The following ZNF197 variants were observed in gnomAD, a reference collection of about 807,000 sequenced individuals.
The protein encoded by ZNF197 is VHL-associated KRAB-A domain-containing protein.
ZNF197 carries 14 observed loss-of-function variants against 27.4 expected under a neutral mutation model. That is an observed-to-expected ratio of 0.51 (90% CI 0.34 to 0.80). The LOEUF (loss-of-function observed/expected upper bound fraction) is 0.80, where lower values mean the gene tolerates loss of function less well. ZNF197 is among the 30% of genes least tolerant of loss of function. The pLI is 0.02. For missense variants in ZNF197, 1,090 were observed against 1,222.6 expected (o/e 0.89, Z 1.62); for synonymous variants, 415 against 420.0 (o/e 0.99, Z 0.15).
rs1336874101 is a variant in ZNF197, at chr3:44,644,817, C to T, written c.*597C>T. 3.1e-5 allele frequency: 30 copies of T among 978,676 alleles called. No homozygotes were observed. The highest frequency in any genetic ancestry group is 3.5e-5 in the Non-Finnish European group (29 of 824,284). 60.6% of individuals were successfully genotyped at this position (978,676 alleles called of 1,614,324 possible). On this transcript the variant is annotated 3_prime_UTR_variant, in exon 6 of 6. Coordinates refer to ENST00000344387, the MANE Select transcript of ZNF197 (RefSeq NM_006991.5). ...GGAAGATCCCTTGAGCCCAGGAGTTCGAGACAAGCCTGGGTAACACGGGGA... is the reference window on the plus strand; with the variant it reads ...GGAAGATCCCTTGAGCCCAGGAGTTTGAGACAAGCCTGGGTAACACGGGGA...
chr3:44,639,642 ACTC>A (rs1702489209), intron 5 of ZNF197, among the ~76,000 whole-genome samples: 1 of 150,636 alleles, frequency 6.6e-6, no homozygotes, highest in African/African-American at 2.4e-5. Context: ...TATCATTTAT[ACTC>A]CTTTTTATTT....
Position 44,632,097 on chromosome 3 carries a change from C to T in ZNF197, c.551-8C>T. On this transcript the variant is annotated splice_polypyrimidine_tract_variant and splice_region_variant and intron_variant, in intron 3 of 5. Transcript: ENST00000344387. The stretch of plus-strand genomic sequence containing the variant: ...AGGTCCCATATGCAGCTTTTTCTCC[C>T]TCCTCAGATTCTCCTGCCCCTGAAG... 1 of 1,613,916 alleles carries T rather than the reference C, an allele frequency of 6.2e-7. No homozygotes were observed. Among genetic ancestry groups the T allele is most frequent in the Non-Finnish European group, 8.5e-7 (1 of 1,179,860 alleles).
intron 5 of ZNF197, among the ~76,000 whole-genome samples, chr3:44,633,906 CAACTT>C: frequency 6.6e-6 from 1 of 152,288 alleles, no homozygotes; most frequent in Admixed American, 6.5e-5. Context: ...TTGTACCTAG[CAACTT>C]TATTTTATTA....
intron 3 of ZNF197, 97 bp downstream of exon 3, chr3:44,631,318 T>C (rs1322562482): frequency 2.7e-6 from 4 of 1,468,384 alleles, no homozygotes; most frequent in Non-Finnish European, 3.7e-6. Context: ...CTACCCTGTC[T>C]AGGAGTCTCT....
chr3:44,646,465 T>C lies in ZNF197; in HGVS notation c.*2245T>C, dbSNP rs1702960015. ...TGAAAAATGTTCAACCTGAATTTAA[T>C]CAAGCTTCTTGGACCTCATTGCCAG... On this transcript the variant is annotated 3_prime_UTR_variant, in exon 6 of 6. Transcript: ENST00000344387. The C allele has an allele frequency of 6.2e-7, 1 of 1,612,618 alleles. No individual in the cohort carries two copies. The highest frequency in any genetic ancestry group is 8.5e-7 in the Non-Finnish European group (1 of 1,178,898).
intron 5 of ZNF197, among the ~76,000 whole-genome samples, chr3:44,637,863 C>T (rs937278763): frequency 5.3e-5 from 8 of 152,134 alleles, no homozygotes; most frequent in Non-Finnish European, 1.0e-4. Context: ...ACTATTTTGG[C>T]TTCATGGTAC....
chr3:44,645,878 TTG>T lies in ZNF197; in HGVS notation c.*1661_*1662del. On this transcript the variant is annotated 3_prime_UTR_variant, in exon 6 of 6. Transcript: ENST00000344387. Reference sequence around the variant, plus strand: ...AACCATTCTGTGCCCTTGAGTACATTTGTGGGTTTAACTCAGTCTATATTCTT... The same window carrying T: ...AACCATTCTGTGCCCTTGAGTACATTTGGGTTTAACTCAGTCTATATTCTT... 1 of 985,428 alleles carries T rather than the reference TTG, an allele frequency of 1.0e-6. No individual in the cohort carries two copies. Among genetic ancestry groups the T allele is most frequent in the South Asian group, 4.7e-5 (1 of 21,286 alleles). The allele number at this position is 985,428 out of a possible 1,614,324, so 61.0% of individuals were successfully genotyped here. A position where few individuals can be genotyped will look rare whatever the true frequency, so the allele number is the denominator to read the frequency against.
In ZNF197 at chr3:44,629,054, G is replaced by C; in HGVS notation, c.-81-20G>C. 6.7e-7 allele frequency: 1 copy of C among 1,497,460 alleles called. No homozygotes were observed. The highest frequency in any genetic ancestry group is 8.9e-7 in the Non-Finnish European group (1 of 1,122,492). 92.8% of individuals were successfully genotyped at this position (1,497,460 alleles called of 1,614,324 possible). On this transcript the variant is annotated intron_variant, in intron 1 of 5. Transcript: ENST00000344387. ...GTTTCTCTGGGCTAACTTTAACAAT[G>C]ATTTCTTGAGGTCTTGTAGATGATA...
In ZNF197 at chr3:44,644,349, A is replaced by G. The variant is rs1379641163; in HGVS notation, c.*129A>G. Reference sequence around the variant, plus strand: ...GACAAATGAGTAGCATATAGAAGAAAGTTAATAGGCCGGGCTTGGTGGCTC... The same window carrying G: ...GACAAATGAGTAGCATATAGAAGAAGGTTAATAGGCCGGGCTTGGTGGCTC... On this transcript the variant is annotated 3_prime_UTR_variant, in exon 6 of 6. Coordinates refer to ENST00000344387, the MANE Select transcript of ZNF197 (RefSeq NM_006991.5). 4 of 1,419,838 alleles carry G rather than the reference A, an allele frequency of 2.8e-6. No individual in the cohort carries two copies. The highest frequency in any genetic ancestry group is 6.3e-5 in the Admixed American group (2 of 31,822). 88.0% of individuals were successfully genotyped at this position (1,419,838 alleles called of 1,614,324 possible). A position where few individuals can be genotyped will look rare whatever the true frequency, so the allele number is the denominator to read the frequency against.
intron 2 of ZNF197, chr3:44,630,854 GGA>G: frequency 1.4e-6 from 1 of 709,294 alleles, no homozygotes; most frequent in Non-Finnish European, 2.5e-6. Context: ...GTCTCCTCTG[GGA>G]GAGGTCACCA....
chr3:44,626,450 A>G (rs1701665644), intron 1 of ZNF197, among the ~76,000 whole-genome samples: 3 of 152,260 alleles, frequency 2.0e-5, no homozygotes, highest in Admixed American at 1.3e-4. Flanking sequence ...CATGGCATAT[A>G]TAGTCACAAA....
intron 1 of ZNF197, among the ~76,000 whole-genome samples, chr3:44,627,932 T>A (rs1701764940): frequency 6.6e-6 from 1 of 152,242 alleles, no homozygotes; most frequent in African/African-American, 2.4e-5. Flanking sequence ...TATGTTTATA[T>A]TTCTGGCTCC....
intron 1 of ZNF197, among the ~76,000 whole-genome samples, chr3:44,626,444 G>A (rs1320661117): frequency 6.6e-6 from 1 of 152,182 alleles, no homozygotes; most frequent in Non-Finnish European, 1.5e-5. Flanking sequence ...AAGTCACATG[G>A]CATATATAGT....
intron 3 of ZNF197, 39 bp downstream of exon 3, chr3:44,631,260 A>G: frequency 6.2e-7 from 1 of 1,610,016 alleles, no homozygotes; most frequent in South Asian, 1.1e-5. Flanking sequence ...CTGTTCAAGG[A>G]CCCTTCCTGT....
rs1202316235 is a variant in ZNF197, at chr3:44,642,908, C to A, written c.1778C>A (p.Thr593Asn). ...LHQRVHTEKKTFGCKKCGKIF... is the reference protein window; with the variant it reads ...LHQRVHTEKKNFGCKKCGKIF... ...CAGAGAGTCCACACAGAAAAGAAAACCTTTGGTTGTAAAAAGTGTGGGAAG... is the reference window on the plus strand; with the variant it reads ...CAGAGAGTCCACACAGAAAAGAAAAACTTTGGTTGTAAAAAGTGTGGGAAG... Residue 593 changes from threonine to asparagine, a missense_variant, in exon 6 of 6, where the codon ACC (threonine) becomes AAC (asparagine). Coordinates refer to ENST00000344387, the MANE Select transcript of ZNF197 (RefSeq NM_006991.5). 1 of 1,613,988 alleles carries A rather than the reference C, an allele frequency of 6.2e-7. No homozygotes were observed. The highest frequency in any genetic ancestry group is 1.3e-5 in the African/African-American group (1 of 75,006).
At chr3:44,628,407 C>T (rs1320835765) in intron 1 of ZNF197, among the ~76,000 whole-genome samples, 1 of 152,094 alleles carries the variant, frequency 6.6e-6, no homozygotes, top group Non-Finnish European at 1.5e-5. Context: ...GCAAATTTAT[C>T]CAAATATTTT....
At chr3:44,636,680 G>A (rs1475623433) in intron 5 of ZNF197, among the ~76,000 whole-genome samples, 1 of 152,138 alleles carries the variant, frequency 6.6e-6, no homozygotes, top group Non-Finnish European at 1.5e-5. Context: ...ATGAACGTTT[G>A]TGTATAATTT....
chr3:44,645,646 G>A lies in ZNF197; in HGVS notation c.*1426G>A, dbSNP rs1415232130. 1 of 985,270 alleles carries A rather than the reference G, an allele frequency of 1.0e-6. No homozygotes were observed. Among genetic ancestry groups the A allele is most frequent in the African/African-American group, 1.7e-5 (1 of 57,220 alleles). The allele number at this position is 985,270 out of a possible 1,614,324, so 61.0% of individuals were successfully genotyped here. ...GGAAAAAAATCCTTGACCCGCAGTT[G>A]AGCTGATGATCCCTGCCACAGTCAT... is the stretch of plus-strand genomic sequence containing the variant. On this transcript the variant is annotated 3_prime_UTR_variant, in exon 6 of 6. Coordinates refer to ENST00000344387, the MANE Select transcript of ZNF197 (RefSeq NM_006991.5).
In ZNF197 at chr3:44,646,484, T is replaced by C. The variant is rs184787228; in HGVS notation, c.*2264T>C. ...ATTTAATCAAGCTTCTTGGACCTCA[T>C]TGCCAGGTTACAGGAAATACAGGAG... On this transcript the variant is annotated 3_prime_UTR_variant, in exon 6 of 6. Transcript: ENST00000344387. The C allele has an allele frequency of 1.2e-4, 195 of 1,605,728 alleles. 1 individual carries two copies. In the Admixed American group the frequency reaches 2.4e-3, roughly 20 times the overall value.
Sources: gnomAD v4.1 joint callset for allele counts (sites outside exome capture counted in the v4.1 genomes callset) on GRCh38, gnomAD v4.1.1 for gene constraint, MANE v1.5 for transcripts, NCBI Gene and HGNC (gene_info 2026-07-23, HGNC 2026-07-21) for gene names.